The following DNM2 variants were observed in gnomAD, a reference collection of about 807,000 sequenced individuals.
DNM2 encodes dynamin 2.
A neutral mutation model predicts 99.0 loss-of-function variants in DNM2; 15 were observed. The ratio of observed to expected loss-of-function variants is 0.15; its 90% CI spans 0.10 to 0.23. DNM2 has a LOEUF of 0.23. DNM2 is among the 10% of genes least tolerant of loss of function. The pLI is 1.00. For synonymous variants in DNM2, 525 were observed against 481.2 expected, an observed-to-expected ratio of 1.09 and a Z score of -1.19; for missense variants, 742 against 1,189.4, an observed-to-expected ratio of 0.62 and a Z score of 5.53.
At chr19:10,726,932 A>G (rs781465673) in intron 1 of DNM2, among the ~76,000 whole-genome samples, 6 of 152,206 alleles carry the variant, frequency 3.9e-5, no homozygotes, top group Non-Finnish European at 7.3e-5. Context: ...ACAACCGACT[A>G]TCAACTCGCT....
chr19:10,787,542 G>A (rs527573152), intron 7 of DNM2, among the ~76,000 whole-genome samples: 34 of 150,956 alleles, frequency 2.3e-4, no homozygotes, highest in African/African-American at 8.0e-4. Flanking sequence ...TGAGGTGGGT[G>A]GATCACCAGG....
chr19:10,761,360 A>G (rs1355874084), intron 2 of DNM2, among the ~76,000 whole-genome samples: 2 of 151,818 alleles, frequency 1.3e-5, no homozygotes, highest in South Asian at 2.1e-4. Flanking sequence ...CTATGTGTGG[A>G]TTTTTTCCTG....
At chr19:10,719,305 G>A (rs1461335169) in intron 1 of DNM2, among the ~76,000 whole-genome samples, 1 of 152,144 alleles carries the variant, frequency 6.6e-6, no homozygotes, top group Non-Finnish European at 1.5e-5. Flanking sequence ...CTGGAAGGAG[G>A]ACTCTGGGGG....
At chr19:10,728,763 C>T (rs1483577646) in intron 1 of DNM2, among the ~76,000 whole-genome samples, 1 of 152,080 alleles carries the variant, frequency 6.6e-6, no homozygotes, top group Admixed American at 6.6e-5. Flanking sequence ...GCCTGGCCAG[C>T]ATGGCGAGCC....
Position 10,772,658 on chromosome 19 carries a change from G to A in DNM2, c.385+30G>A. ...GCAGCACGGGTGGGGACCCATCACT[G>A]ACCGTTTCTGGTCGTTCATGGACAG... On this transcript the variant is annotated intron_variant, in intron 3 of 20. Transcript: ENST00000389253. The surrounding 1 kb of genome is among the most constrained non-coding windows in gnomAD (Gnocchi z 4.9). The A allele has an allele frequency of 6.2e-7, 1 of 1,613,566 alleles. No individual in the cohort carries two copies. The highest frequency in any genetic ancestry group is 8.5e-7 in the Non-Finnish European group (1 of 1,179,972).
intron 12 of DNM2, among the ~76,000 whole-genome samples, chr19:10,804,263 A>G (rs1050458697): frequency 1.3e-5 from 2 of 152,020 alleles, no homozygotes; most frequent in Non-Finnish European, 2.9e-5. Context: ...CACCTCTGGA[A>G]CCTCACTGTC....
rs370198376 is a variant in DNM2, at chr19:10,752,393, A to G, written c.162-7345A>G. Among the ~76,000 whole-genome samples, 31 of 152,282 alleles carry G rather than the reference A, an allele frequency of 2.0e-4. No individual in the cohort carries two copies. The East Asian group carries it at 3.3e-3, about 16-fold the overall frequency. ...TTCTCTTGGGCGTCACTCCCGCCCT[A>G]TGTTCTGAAGCTGTGATTGTCCGTT... is the stretch of plus-strand genomic sequence containing the variant. On this transcript the variant is annotated intron_variant, in intron 1 of 20. Coordinates refer to ENST00000389253, the MANE Select transcript of DNM2 (RefSeq NM_001005361.3).
intron 1 of DNM2, among the ~76,000 whole-genome samples, chr19:10,741,842 C>G (rs550867593): frequency 6.6e-6 from 1 of 152,040 alleles, no homozygotes; most frequent in Non-Finnish European, 1.5e-5. Flanking sequence ...TGAGCCACCA[C>G]GCCTGGCCAA....
At chr19:10,780,563 C>A (rs2043332) in intron 5 of DNM2, among the ~76,000 whole-genome samples, 35,867 of 152,072 alleles carry the variant, frequency 0.24, 5,341 homozygotes, top group Middle Eastern at 0.37. Context: ...GTTTTGTGAC[C>A]TCAGGCTTCA....
chr19:10,724,702 C>T (rs2145674969), intron 1 of DNM2, among the ~76,000 whole-genome samples: 1 of 152,278 alleles, frequency 6.6e-6, no homozygotes, highest in Non-Finnish European at 1.5e-5. Flanking sequence ...GCTGTCTGAG[C>T]AGAGGGAAGT....
intron 15 of DNM2, among the ~76,000 whole-genome samples, chr19:10,814,191 G>A (rs1033257222): frequency 5.3e-5 from 8 of 151,616 alleles, no homozygotes; most frequent in Non-Finnish European, 7.4e-5. Context: ...CAGGCTGGGC[G>A]CAGTGGCTCA....
intron 1 of DNM2, among the ~76,000 whole-genome samples, chr19:10,756,847 G>A (rs1026777238): frequency 6.6e-6 from 1 of 151,896 alleles, no homozygotes; most frequent in Non-Finnish European, 1.5e-5. Flanking sequence ...ACTGGCCTCC[G>A]TACCCCTGCC....
At chr19:10,776,630 T>C (rs1041988282) in intron 4 of DNM2, among the ~76,000 whole-genome samples, 11 of 152,352 alleles carry the variant, frequency 7.2e-5, no homozygotes, top group African/African-American at 2.6e-4. Context: ...AAAGACATCC[T>C]TGACTCTGGA....
chr19:10,814,076 C>T (rs1044960615), intron 15 of DNM2, among the ~76,000 whole-genome samples: 20 of 151,958 alleles, frequency 1.3e-4, no homozygotes, highest in Non-Finnish European at 1.5e-5. Context: ...GCAGGAGAAT[C>T]ACCGGAACCT....
intron 11 of DNM2, 65 bp downstream of exon 11, chr19:10,798,637 C>A: frequency 6.3e-7 from 1 of 1,583,160 alleles, no homozygotes; most frequent in South Asian, 1.1e-5. Flanking sequence ...GTGTACTGTT[C>A]TGTGCATGCT....
chr19:10,823,972 G>C, intron 17 of DNM2, 73 bp downstream of exon 17: 1 of 1,472,522 alleles, frequency 6.8e-7, no homozygotes. Context: ...CTTTCCCCAG[G>C]ACAGGTCATT....
At chr19:10,719,687 C>G (rs1036224988) in intron 1 of DNM2, among the ~76,000 whole-genome samples, 7 of 152,216 alleles carry the variant, frequency 4.6e-5, no homozygotes, top group Admixed American at 1.3e-4. Context: ...CAAATGATAA[C>G]ATCCTCCTCC....
At chr19:10,827,250 A>G (rs2073170980) in intron 18 of DNM2, among the ~76,000 whole-genome samples, 1 of 152,138 alleles carries the variant, frequency 6.6e-6, no homozygotes, top group African/African-American at 2.4e-5. Flanking sequence ...TTTAAAATGC[A>G]TATATCCTTT....
In DNM2 at chr19:10,831,165, G is replaced by A; in HGVS notation, c.*118G>A. On this transcript the variant is annotated 3_prime_UTR_variant, in exon 21 of 21. Coordinates refer to ENST00000389253, the MANE Select transcript of DNM2 (RefSeq NM_001005361.3). This position sits in a 1 kb window ranked among gnomAD's most constrained non-coding sequence, Gnocchi z 4.3. The stretch of plus-strand genomic sequence containing the variant: ...ACCAGGCTCCCAGTGGGCAGCCCTG[G>A]CCTCTTCCTTAACGCTGGCCCCGGT... 1 of 1,444,634 alleles carries A rather than the reference G, an allele frequency of 6.9e-7. No individual in the cohort carries two copies. The highest frequency in any genetic ancestry group is 9.1e-7 in the Non-Finnish European group (1 of 1,101,144). 89.5% of individuals were successfully genotyped at this position (1,444,634 alleles called of 1,614,324 possible).
Sources: gnomAD v4.1 joint callset for allele counts (sites outside exome capture counted in the v4.1 genomes callset) on GRCh38, gnomAD v4.1.1 for gene constraint, Gnocchi (gnomAD v3.1) non-coding constraint, MANE v1.5 for transcripts, NCBI Gene and HGNC (gene_info 2026-07-23, HGNC 2026-07-21) for gene names.